EYS: variants seen among roughly 807,000 people sequenced by gnomAD.
The protein encoded by EYS is EGF-like photoreceptor maintenance factor.
Under a neutral mutation model 282.1 loss-of-function variants are expected in EYS, and 250 were observed. The ratio of observed to expected loss-of-function variants is 0.89; its 90% CI spans 0.80 to 0.98. The LOEUF is 0.98. EYS is among the 50% of genes least tolerant of loss of function. EYS has a pLI of 0.00. For missense variants in EYS, 4,016 were observed against 3,709.0 expected (o/e 1.08, Z -2.15); for synonymous variants, 1,355 against 1,282.9 (o/e 1.06, Z -1.20).
chr6:65,230,329 C>G (rs986898038), intron 12 of EYS, among the ~76,000 whole-genome samples: 1 of 150,656 alleles, frequency 6.6e-6, no homozygotes, highest in Non-Finnish European at 1.5e-5. Context: ...AAATAATTGG[C>G]GAATAGCAGA....
intron 33 of EYS, among the ~76,000 whole-genome samples, chr6:64,052,651 C>T (rs1158540244): frequency 1.3e-5 from 2 of 152,130 alleles, no homozygotes; most frequent in East Asian, 1.9e-4. Flanking sequence ...TGTGTCTCCA[C>T]CTGAATCTCA....
Position 64,591,260 on chromosome 6 carries a change from TG to T in EYS, c.4606del (p.Gln1536ArgfsTer14). The T allele has an allele frequency of 6.4e-7, 1 of 1,551,446 alleles. No homozygotes were observed. The highest frequency in any genetic ancestry group is 8.7e-7 in the Non-Finnish European group (1 of 1,146,814). ...CTGTGATTTGATGTTTGTGAGTCTCTGGTTGCTTGAAGCCTCAGTAATAGCC... is the reference window on the plus strand; with the variant it reads ...CTGTGATTTGATGTTTGTGAGTCTCTGTTGCTTGAAGCCTCAGTAATAGCC... ...YQAITEASSN[Q>X]RLTNIKSQAA... is the part of the protein sequence containing the mutation. On this transcript the variant is annotated frameshift_variant, in exon 26 of 43. Transcript: ENST00000503581. LOFTEE classifies it high-confidence loss of function.
At chr6:64,294,831 T>C (rs1190147125) in intron 30 of EYS, among the ~76,000 whole-genome samples, 1 of 152,238 alleles carries the variant, frequency 6.6e-6, no homozygotes. Context: ...AACACTAACT[T>C]TATTCAAATA....
intron 28 of EYS, among the ~76,000 whole-genome samples, chr6:64,404,160 T>C (rs1773627898): frequency 1.3e-5 from 2 of 152,208 alleles, no homozygotes; most frequent in Non-Finnish European, 2.9e-5. Flanking sequence ...TAGCTCAATC[T>C]AGTTGCATAT....
chr6:64,198,303 G>A (rs953326484), intron 31 of EYS, among the ~76,000 whole-genome samples: 6 of 151,774 alleles, frequency 4.0e-5, no homozygotes, highest in African/African-American at 9.7e-5. Flanking sequence ...CACTGCACCC[G>A]GCCTATAATT....
chr6:65,477,851 T>C lies in EYS; in HGVS notation c.862+12743A>G, dbSNP rs144152189. On this transcript the variant is annotated intron_variant, in intron 5 of 42. Coordinates refer to ENST00000503581, the MANE Select transcript of EYS (RefSeq NM_001142800.2). The stretch of plus-strand genomic sequence containing the variant: ...AACATGGAGAGAAAGCTGTGATTCT[T>C]TTCGTTCTACACATGGCCATAAGAA... Among the ~76,000 whole-genome samples, 88 of 152,202 alleles carry C rather than the reference T, an allele frequency of 5.8e-4. 1 individual carries two copies. Among genetic ancestry groups the C allele is most frequent in the Middle Eastern group, 3.4e-3 (1 of 294 alleles).
chr6:64,266,540 A>C (rs185096034), intron 30 of EYS, among the ~76,000 whole-genome samples: 163 of 152,296 alleles, frequency 1.1e-3, no homozygotes, highest in African/African-American at 3.7e-3. Flanking sequence ...TATTGAACTG[A>C]TGCTGATTTA....
intron 26 of EYS, among the ~76,000 whole-genome samples, chr6:64,549,720 C>T (rs1765004343): frequency 6.8e-6 from 1 of 146,782 alleles, no homozygotes; most frequent in Admixed American, 7.0e-5. Context: ...CGCCTTCCTA[C>T]AGCACATGAA....
chr6:64,058,449 T>C (rs977398765), intron 33 of EYS, among the ~76,000 whole-genome samples: 1 of 152,210 alleles, frequency 6.6e-6, no homozygotes, highest in East Asian at 1.9e-4. Flanking sequence ...AATCAAATAC[T>C]CTCTAACCAT....
Position 64,777,900 on chromosome 6 carries a change from C to T in EYS, c.3443+35478G>A, listed in dbSNP as rs1773728894. Among the ~76,000 whole-genome samples the T allele has an allele frequency of 3.3e-5, 5 of 152,110 alleles. No homozygotes were observed. The South Asian group carries it at 1.0e-3, about 32-fold the overall frequency. ...TATTCAATTCCAGTAGATAATATTACAGTATCATAGATATATTAATTAAGA... is the reference window on the plus strand; with the variant it reads ...TATTCAATTCCAGTAGATAATATTATAGTATCATAGATATATTAATTAAGA... On this transcript the variant is annotated intron_variant, in intron 22 of 42. Transcript: ENST00000503581.
chr6:63,887,708 T>A (rs1221237442), intron 35 of EYS, among the ~76,000 whole-genome samples: 5 of 152,026 alleles, frequency 3.3e-5, no homozygotes, highest in Admixed American at 3.3e-4. Flanking sequence ...GGGCCCTAGG[T>A]TTCAAGCACA....
At chr6:64,259,465 T>A (rs954601402) in intron 30 of EYS, among the ~76,000 whole-genome samples, 1 of 151,982 alleles carries the variant, frequency 6.6e-6, no homozygotes, top group African/African-American at 2.4e-5. Flanking sequence ...CCCAAGAATA[T>A]CTTTTTCAAG....
chr6:65,392,972 C>T (rs1405261814), intron 7 of EYS, among the ~76,000 whole-genome samples: 2 of 152,136 alleles, frequency 1.3e-5, no homozygotes, highest in Non-Finnish European at 2.9e-5. Flanking sequence ...CACATATACA[C>T]CATGGAATAC....
chr6:64,604,408 A>G lies in EYS; in HGVS notation c.3685-11099T>C, dbSNP rs547977907. On this transcript the variant is annotated intron_variant, in intron 24 of 42. Transcript: ENST00000503581. ...GAGAATAAAATCAAAGACCATGAAT[A>G]AAACTATGGGTCCATAATTTTATAA... 2.1e-4 allele frequency among the ~76,000 whole-genome samples: 32 copies of G among 152,178 alleles called. No individual in the cohort carries two copies. The South Asian group carries it at 6.6e-3, about 32-fold the overall frequency.
At chr6:64,608,970 G>T (rs1767021318) in intron 24 of EYS, among the ~76,000 whole-genome samples, 1 of 152,164 alleles carries the variant, frequency 6.6e-6, no homozygotes, top group African/African-American at 2.4e-5. Context: ...ATCTATAATG[G>T]TGGTTACATG....
chr6:65,527,535 C>G (rs1767614591), intron 2 of EYS, among the ~76,000 whole-genome samples: 1 of 152,152 alleles, frequency 6.6e-6, no homozygotes, highest in Non-Finnish European at 1.5e-5. Context: ...TTCAGGTCAC[C>G]CCAGTGTTAG....
At chr6:65,258,570 C>A (rs1562054903) in intron 12 of EYS, among the ~76,000 whole-genome samples, 1 of 151,906 alleles carries the variant, frequency 6.6e-6, no homozygotes, top group Non-Finnish European at 1.5e-5. Context: ...GTAATCCAAC[C>A]AACAAATAAT....
At chr6:65,030,141 C>A (rs919103240) in intron 13 of EYS, among the ~76,000 whole-genome samples, 2 of 152,158 alleles carry the variant, frequency 1.3e-5, no homozygotes, top group African/African-American at 2.4e-5. Flanking sequence ...TGTCTGTAGC[C>A]TTTGATGACT....
At chr6:64,931,171 G>A (rs1768710636) in intron 15 of EYS, among the ~76,000 whole-genome samples, 1 of 152,136 alleles carries the variant, frequency 6.6e-6, no homozygotes, top group East Asian at 1.9e-4. Flanking sequence ...TATTCCATCA[G>A]ACGTTCATTT....
Sources: allele counts gnomAD v4.1 joint callset (sites outside exome capture counted in the v4.1 genomes callset), GRCh38; gene constraint gnomAD v4.1.1; transcripts MANE v1.5; gene names NCBI Gene and HGNC (gene_info 2026-07-23, HGNC 2026-07-21).